MMP8: variants seen among roughly 807,000 people sequenced by gnomAD.
MMP8 encodes the protein neutrophil collagenase.
In MMP8, 67 loss-of-function variants were observed where a neutral mutation model predicts 51.2. The ratio of observed to expected loss-of-function variants is 1.31; its 90% CI spans 1.08 to 1.60. The LOEUF (loss-of-function observed/expected upper bound fraction) is 1.60, where lower values mean the gene tolerates loss of function less well. Among genes scored for constraint, MMP8 ranks in the 40% most tolerant of loss-of-function variants. MMP8 has a pLI of 0.00. For synonymous variants in MMP8, 225 were observed against 191.0 expected (o/e 1.18, Z -1.47); for missense variants, 654 against 558.1 (o/e 1.17, Z -1.73).
rs1861201975 is a variant in MMP8 at position 102,713,854 on chromosome 11, A to T, written c.1194T>A (p.Tyr398Ter). Residue 398 changes from tyrosine (Y) to a stop codon, truncating the protein, a stop_gained, in exon 9 of 10, where the codon TAT (tyrosine) becomes TAA (stop). Transcript: ENST00000236826. LOFTEE classifies it high-confidence loss of function. Reference sequence around the variant, plus strand: ...GCTCCATGAATTGTCTTTGGTTATCATATCTGGTAAAAACAAAATGTTATC... The same window carrying T: ...GCTCCATGAATTGTCTTTGGTTATCTTATCTGGTAAAAACAAAATGTTATC... ...YFFVNDQFWR[Y>*]DNQRQFMEPG... 2 of 1,603,672 alleles carry T rather than the reference A, an allele frequency of 1.2e-6. No individual in the cohort carries two copies. The highest frequency in any genetic ancestry group is 1.3e-5 in the African/African-American group (1 of 74,260).
chr11:102,716,133 CA>C (rs2134298450), intron 6 of MMP8, among the ~76,000 whole-genome samples, 168 bp downstream of exon 6: 1 of 152,026 alleles, frequency 6.6e-6, no homozygotes, highest in East Asian at 1.9e-4. Flanking sequence ...AAGTTAAGCT[CA>C]GGGGGCTATG....
Position 102,718,414 on chromosome 11 carries a change from C to T in MMP8, c.784G>A (p.Gly262Arg). 6.2e-7 allele frequency: 1 copy of T among 1,609,284 alleles called. No individual in the cohort carries two copies. The highest frequency in any genetic ancestry group is 8.5e-7 in the Non-Finnish European group (1 of 1,177,692). The change falls in exon 5 of 10, where the codon GGA becomes AGA. Residue 262 changes from glycine (G) to arginine (R), a missense_variant and splice_region_variant. Gly to Arg is a moderately radical substitution (Grantham distance 125, BLOSUM62 -2). Transcript: ENST00000236826. ...DDIDGIQAIY[G>R]LSSNPIQPTG... ...TATGACTCTCTTGAGAAGACCTTACCATAGATGGCCTGAATGCCATCGATG... is the reference window on the plus strand; with the variant it reads ...TATGACTCTCTTGAGAAGACCTTACTATAGATGGCCTGAATGCCATCGATG...
intron 8 of MMP8, 147 bp from the exon 9 acceptor site, chr11:102,714,004 G>T: frequency 1.9e-6 from 1 of 529,218 alleles, no homozygotes; most frequent in East Asian, 3.2e-5. Context: ...GATTAAGAAT[G>T]GTTAATTTCT....
chr11:102,715,177 T>A, intron 7 of MMP8, 127 bp downstream of exon 7: 1 of 1,197,590 alleles, frequency 8.4e-7, no homozygotes, highest in Non-Finnish European at 1.1e-6. Flanking sequence ...AACCCTAGTC[T>A]TCTGGCAAAA....
chr11:102,721,291 T>G, intron 4 of MMP8, 110 bp downstream of exon 4: 21 of 1,451,718 alleles, frequency 1.4e-5, no homozygotes, highest in Non-Finnish European at 1.8e-5. Context: ...TCACTTTTTG[T>G]GAGTTTGAAA....
intron 4 of MMP8, among the ~76,000 whole-genome samples, chr11:102,719,176 A>G (rs1185972731): frequency 6.6e-6 from 1 of 152,202 alleles, no homozygotes; most frequent in Non-Finnish European, 1.5e-5. Context: ...TTTAACTTCC[A>G]TGAGCATAGT....
rs779217861 is a variant in MMP8 at position 102,714,639 on chromosome 11, G to A, written c.1107C>T (p.Gly369=). 1.5e-5 allele frequency: 23 copies of A among 1,554,536 alleles called. No homozygotes were observed. Among genetic ancestry groups the A allele is most frequent in the East Asian group, 2.5e-5 (1 of 39,652 alleles). Residue 369 remains glycine (G), a synonymous_variant, in exon 8 of 10, where the codon GGC becomes GGT. Transcript: ENST00000236826. The part of the protein sequence containing the change: ...QGYPKDISNY[G]FPSSVQAIDA... ...CAATTGCTTGGACGCTGCTGGGGAA[G>A]CCATAGTTTGATATATCCTTGGGAT...
At chr11:102,721,361 A>G in intron 4 of MMP8, 40 bp downstream of exon 4, 8 of 1,611,148 alleles carry the variant, frequency 5.0e-6, no homozygotes, top group Non-Finnish European at 6.8e-6. Flanking sequence ...TAAAAGGTTA[A>G]TTCAGAAGCT....
At chr11:102,715,918 G>T (rs1017688533) in intron 6 of MMP8, among the ~76,000 whole-genome samples, 2 of 152,170 alleles carry the variant, frequency 1.3e-5, no homozygotes, top group Non-Finnish European at 2.9e-5. Context: ...GGAACTGGAT[G>T]GTGCTTTGGT....
At position 102,724,874 on chromosome 11, in the gene MMP8, T is replaced by C; in HGVS notation, c.-19A>G. 1 of 1,601,170 alleles carries C rather than the reference T, an allele frequency of 6.2e-7. No homozygotes were observed. The highest frequency in any genetic ancestry group is 1.1e-5 in the South Asian group (1 of 88,280). On this transcript the variant is annotated 5_prime_UTR_variant, in exon 1 of 10. Transcript: ENST00000236826. Reference sequence around the variant, plus strand: ...AGAACATGATCTTCTCTTCAAACTCTACCCCTCCTGGCTTTCTTTCTGTCC... The same window carrying C: ...AGAACATGATCTTCTCTTCAAACTCCACCCCTCCTGGCTTTCTTTCTGTCC...
intron 6 of MMP8, among the ~76,000 whole-genome samples, chr11:102,715,942 G>A (rs112116517): frequency 0.019 from 2,860 of 152,216 alleles, 105 homozygotes; most frequent in African/African-American, 0.065. Flanking sequence ...TCAGCTATGG[G>A]GTTCCCAAGC....
intron 9 of MMP8, 66 bp from the exon 10 acceptor site, chr11:102,713,523 A>G (rs1261105715): frequency 2.2e-6 from 3 of 1,342,950 alleles, no homozygotes; most frequent in African/African-American, 2.9e-5. Context: ...TTCAGTTAGA[A>G]AACCCTGCCC....
In MMP8 at chr11:102,713,445, A is replaced by C. The variant is rs34009635; in HGVS notation, c.1307T>G (p.Val436Gly). 5 of 1,609,912 alleles carry C rather than the reference A, an allele frequency of 3.1e-6. No homozygotes were observed. Among genetic ancestry groups the C allele is most frequent in the African/African-American group, 1.3e-5 (1 of 74,840 alleles). ...TGCGTAATATCTTGGTCCACTGAAG[A>C]CATGGAAGAAATCTATAAAAAAAGA... Reference protein sequence around the residue: ...AVFQQEHFFHVFSGPRYYAFD... With the variant: ...AVFQQEHFFHGFSGPRYYAFD... Residue 436 changes from valine to glycine, a missense_variant, in exon 10 of 10, where the codon GTC (valine) becomes GGC (glycine). Transcript: ENST00000236826.
Position 102,721,830 on chromosome 11 carries a change from T to C in MMP8, c.348-68A>G, listed in dbSNP as rs201251099. The C allele has an allele frequency of 3.8e-4, 596 of 1,555,990 alleles. 6 individuals carry two copies. The East Asian group carries it at 0.011, about 29-fold the overall frequency. On this transcript the variant is annotated intron_variant, in intron 2 of 9. Transcript: ENST00000236826. ...AACAGTAGTCCATCAACTGATGAGT[T>C]GTTCTGTTTTGAAGTGAGTTGCATC...
chr11:102,714,092 T>G (rs1452494523), intron 8 of MMP8, among the ~76,000 whole-genome samples: 2 of 152,190 alleles, frequency 1.3e-5, no homozygotes. Flanking sequence ...CACACTGTTA[T>G]TACCCAAAGT....
intron 5 of MMP8, among the ~76,000 whole-genome samples, chr11:102,717,216 C>T (rs1391604400): frequency 6.6e-6 from 1 of 152,118 alleles, no homozygotes; most frequent in Admixed American, 6.5e-5. Flanking sequence ...AGCAGTAAAT[C>T]CCTTATTGGT....
intron 7 of MMP8, 33 bp downstream of exon 7, chr11:102,715,271 A>G: frequency 1.3e-6 from 2 of 1,592,060 alleles, no homozygotes; most frequent in Non-Finnish European, 1.7e-6. Flanking sequence ...CTTCAGGCAG[A>G]ACTAACATAA....
Position 102,724,734 on chromosome 11 carries a change from C to A in MMP8, c.102+20G>T. On this transcript the variant is annotated intron_variant, in intron 1 of 9. Transcript: ENST00000236826. ...TAATAATCAGCAAATCAAACATCAC[C>A]TAACTGATAGTTCATTTACCTGAAC... 6.4e-7 allele frequency: 1 copy of A among 1,573,852 alleles called. No homozygotes were observed. Among genetic ancestry groups the A allele is most frequent in the South Asian group, 1.2e-5 (1 of 84,608 alleles).
Position 102,722,508 on chromosome 11 carries a change from G to A in MMP8, c.268C>T (p.Arg90Cys), listed in dbSNP as rs546201458. 5 of 1,613,960 alleles carry A rather than the reference G, an allele frequency of 3.1e-6. No homozygotes were observed. The highest frequency in any genetic ancestry group is 2.2e-5 in the South Asian group (2 of 91,076). Reference protein sequence around the residue: ...EETLDMMKKPRCGVPDSGGFM... With the variant: ...EETLDMMKKPCCGVPDSGGFM... The stretch of plus-strand genomic sequence containing the variant: ...CCACCACTGTCAGGCACTCCACAGC[G>A]AGGCTTTTTCATCATGTCCAGAGTT... The change falls in exon 2 of 10, where the codon CGC becomes TGC. Residue 90 changes from arginine to cysteine, a missense_variant. Coordinates refer to ENST00000236826, the MANE Select transcript of MMP8 (RefSeq NM_002424.3).
Sources: gnomAD v4.1 joint callset for allele counts (sites outside exome capture counted in the v4.1 genomes callset) on GRCh38, gnomAD v4.1.1 for gene constraint, MANE v1.5 for transcripts, NCBI Gene and HGNC (gene_info 2026-07-23, HGNC 2026-07-21) for gene names.